The following EPHX2 variants were observed in gnomAD, a reference collection of about 807,000 sequenced individuals.
EPHX2 encodes bifunctional epoxide hydrolase 2.
A neutral mutation model predicts 78.7 loss-of-function variants in EPHX2; 74 were observed. That is an observed-to-expected ratio of 0.94 (90% CI 0.78 to 1.14). EPHX2 has a LOEUF of 1.14. EPHX2 is among the 50% of genes most tolerant of loss of function. The pLI is 0.00. For synonymous variants in EPHX2, 251 were observed against 255.2 expected (o/e 0.98, Z 0.16); for missense variants, 715 against 702.5 (o/e 1.02, Z -0.20).
At chr8:27,512,389 C>T (rs1197856288) in intron 6 of EPHX2, among the ~76,000 whole-genome samples, 1 of 152,196 alleles carries the variant, frequency 6.6e-6, no homozygotes, top group African/African-American at 2.4e-5. Flanking sequence ...TCGAACACTT[C>T]CTCTGTGTCA....
intron 12 of EPHX2, among the ~76,000 whole-genome samples, chr8:27,533,765 A>AT (rs1465799385): frequency 2.0e-5 from 3 of 151,896 alleles, no homozygotes; most frequent in Non-Finnish European, 4.4e-5. Flanking sequence ...TTTTTAAAAT[A>AT]TTTTTTGTAG....
chr8:27,524,193 A>G (rs1814746428), intron 11 of EPHX2, among the ~76,000 whole-genome samples: 1 of 152,140 alleles, frequency 6.6e-6, no homozygotes, highest in Non-Finnish European at 1.5e-5. Context: ...TCAGCCTCCC[A>G]AAGTGCTGAG....
At chr8:27,537,233 T>C (rs1815243759) in intron 13 of EPHX2, among the ~76,000 whole-genome samples, 6 of 152,168 alleles carry the variant, frequency 3.9e-5, no homozygotes, top group Admixed American at 3.9e-4. Flanking sequence ...ATCACTATTG[T>C]TGTTTTATAT....
chr8:27,524,336 A>T (rs1814750895), intron 11 of EPHX2, among the ~76,000 whole-genome samples: 1 of 151,896 alleles, frequency 6.6e-6, no homozygotes, highest in Non-Finnish European at 1.5e-5. Context: ...CTGCTTCCAT[A>T]TGGTCTCTCA....
intron 14 of EPHX2, chr8:27,539,110 T>G: frequency 5.9e-6 from 1 of 170,124 alleles, no homozygotes; most frequent in African/African-American, 2.4e-5. Context: ...ATGTTTCCAA[T>G]TCCCCCACCT....
chr8:27,520,592 G>A (rs368421987), intron 9 of EPHX2, among the ~76,000 whole-genome samples: 37 of 152,064 alleles, frequency 2.4e-4, no homozygotes, highest in Non-Finnish European at 4.3e-4. Flanking sequence ...TGTTCTGCCC[G>A]CCTCGGCCTC....
At chr8:27,537,021 C>T (rs768897328) in intron 13 of EPHX2, among the ~76,000 whole-genome samples, 166 bp downstream of exon 13, 1 of 152,084 alleles carries the variant, frequency 6.6e-6, no homozygotes, top group South Asian at 2.1e-4. Flanking sequence ...TTTACATCCT[C>T]GTTGACACAC....
intron 12 of EPHX2, among the ~76,000 whole-genome samples, chr8:27,532,955 T>TGTAGA (rs1815096318): frequency 6.6e-6 from 1 of 151,994 alleles, no homozygotes; most frequent in Non-Finnish European, 1.5e-5. Context: ...TCTACAAAAA[T>TGTAGA]GTTTTAAAAG....
intron 12 of EPHX2, among the ~76,000 whole-genome samples, chr8:27,532,733 T>C (rs1226103865): frequency 2.0e-5 from 3 of 152,140 alleles, no homozygotes; most frequent in African/African-American, 7.2e-5. Flanking sequence ...CCTCTTTCTC[T>C]CATAAGGACA....
At chr8:27,503,382 G>A (rs1813870665) in intron 2 of EPHX2, among the ~76,000 whole-genome samples, 1 of 152,210 alleles carries the variant, frequency 6.6e-6, no homozygotes, top group Non-Finnish European at 1.5e-5. Context: ...TCTGCTGTTA[G>A]TGGGCATTTG....
rs186853486 is a variant in EPHX2, at chr8:27,541,213, C to T, written c.1380-260C>T. 5.9e-5 allele frequency among the ~76,000 whole-genome samples: 9 copies of T among 152,316 alleles called. No individual in the cohort carries two copies. The East Asian group carries it at 1.7e-3, about 29-fold the overall frequency. ...TCCCTGGAGGGTCCTGTAGGGCCGG[C>T]TTCTTTGTGTCCCAAAAGCCAACCT... is the stretch of plus-strand genomic sequence containing the variant. On this transcript the variant is annotated intron_variant, in intron 15 of 18. Coordinates refer to ENST00000521400, the MANE Select transcript of EPHX2 (RefSeq NM_001979.6).
At chr8:27,525,109 C>CGCGCGCGCGG (rs1563355348) in intron 11 of EPHX2, among the ~76,000 whole-genome samples, 1 of 109,622 alleles carries the variant, frequency 9.1e-6, no homozygotes, top group African/African-American at 3.7e-5. Flanking sequence ...TGTGTGTGTG[C>CGCGCGCGCGG]GCGCGCGCGC....
chr8:27,514,452 A>G (rs1233094230), intron 6 of EPHX2, among the ~76,000 whole-genome samples: 2 of 152,158 alleles, frequency 1.3e-5, no homozygotes, highest in Non-Finnish European at 2.9e-5. Context: ...GGAGATATGT[A>G]ATTGGGGTAA....
chr8:27,523,552 G>T (rs1181989559), intron 11 of EPHX2, among the ~76,000 whole-genome samples: 15 of 152,140 alleles, frequency 9.9e-5, no homozygotes, highest in Non-Finnish European at 2.2e-4. Flanking sequence ...TTTGTATTTG[G>T]CTAAGTTTAT....
At chr8:27,516,076 A>G (rs1814440716) in intron 7 of EPHX2, among the ~76,000 whole-genome samples, 1 of 152,180 alleles carries the variant, frequency 6.6e-6, no homozygotes, top group Non-Finnish European at 1.5e-5. Flanking sequence ...GAGTATAGAA[A>G]GCTGCAAGAG....
At chr8:27,514,141 G>GA (rs1416025408) in intron 6 of EPHX2, among the ~76,000 whole-genome samples, 1 of 151,264 alleles carries the variant, frequency 6.6e-6, no homozygotes, top group African/African-American at 2.5e-5. Context: ...AACATAGTGA[G>GA]ACCCCCCATC....
intron 1 of EPHX2, among the ~76,000 whole-genome samples, chr8:27,496,603 A>C (rs573590515): frequency 1.3e-5 from 2 of 152,288 alleles, no homozygotes; most frequent in Admixed American, 6.5e-5. Context: ...ATCTTGTACT[A>C]GTCTCCACTG....
intron 12 of EPHX2, among the ~76,000 whole-genome samples, chr8:27,530,250 G>A (rs140642100): frequency 0.014 from 2,159 of 152,182 alleles, 54 homozygotes; most frequent in African/African-American, 0.049. Context: ...GGGACAGCTG[G>A]TGATTAGTTA....
intron 8 of EPHX2, among the ~76,000 whole-genome samples, chr8:27,517,734 T>C (rs1261654894): frequency 1.3e-5 from 2 of 151,996 alleles, no homozygotes; most frequent in African/African-American, 4.8e-5. Context: ...AAAAATCAAC[T>C]CAAAATGGAT....
Sources: allele counts gnomAD v4.1 joint callset (sites outside exome capture counted in the v4.1 genomes callset), GRCh38; gene constraint gnomAD v4.1.1; transcripts MANE v1.5; gene names NCBI Gene and HGNC (gene_info 2026-07-23, HGNC 2026-07-21).